PRKN: variants seen among roughly 807,000 people sequenced by gnomAD.
The protein encoded by PRKN is parkin RBR E3 ubiquitin protein ligase, also known as E3 ubiquitin-protein ligase parkin.
A neutral mutation model predicts 59.5 loss-of-function variants in PRKN; 56 were observed. That is an observed-to-expected ratio of 0.94 (90% CI 0.76 to 1.18). The LOEUF (loss-of-function observed/expected upper bound fraction) is 1.18. Ranked by LOEUF, PRKN falls within the 50% of genes most tolerant of loss-of-function variation. The pLI is 0.00. For synonymous variants in PRKN, 250 were observed against 222.1 expected (o/e 1.13, Z -1.12); for missense variants, 657 against 596.4 (o/e 1.10, Z -1.06).
chr6:162,549,550 C>T (rs7759213), intron 1 of PRKN, among the ~76,000 whole-genome samples: 26 of 151,948 alleles, frequency 1.7e-4, no homozygotes, highest in African/African-American at 6.0e-4. Context: ...TTTGCAAAGA[C>T]GGATAAAATC....
At chr6:161,748,479 C>T (rs565005829) in intron 7 of PRKN, among the ~76,000 whole-genome samples, 15 of 152,088 alleles carry the variant, frequency 9.9e-5, no homozygotes, top group South Asian at 8.3e-4. Context: ...AACTCCCACC[C>T]GCGCTTTGAT....
intron 2 of PRKN, among the ~76,000 whole-genome samples, chr6:162,367,815 G>A (rs1785534029): frequency 6.6e-6 from 1 of 152,092 alleles, no homozygotes; most frequent in East Asian, 1.9e-4. Flanking sequence ...AGATCACCTG[G>A]TAAACTGTAG....
At chr6:162,670,172 A>G (rs546797358) in intron 1 of PRKN, among the ~76,000 whole-genome samples, 2 of 152,370 alleles carry the variant, frequency 1.3e-5, no homozygotes, top group East Asian at 1.9e-4. Flanking sequence ...ACTGCTGTGA[A>G]AAGTGCTGAA....
chr6:161,970,937 T>C lies in PRKN; in HGVS notation c.734+2365A>G, dbSNP rs546014439. ...ACAATGATCACCAAACTGCACGGAG[T>C]GTCCGTGCAGGCGCTCATAATGTCC... On this transcript the variant is annotated intron_variant, in intron 6 of 11. Transcript: ENST00000366898. Among the ~76,000 whole-genome samples, 3 of 152,086 alleles carry C rather than the reference T, an allele frequency of 2.0e-5. No homozygotes were observed. In the East Asian group the frequency reaches 5.8e-4, roughly 29 times the overall value.
At chr6:161,826,268 A>G (rs183111231) in intron 6 of PRKN, among the ~76,000 whole-genome samples, 4 of 152,378 alleles carry the variant, frequency 2.6e-5, no homozygotes, top group South Asian at 2.1e-4. Context: ...TAGAAAAATC[A>G]TATTTAAGAC....
intron 6 of PRKN, among the ~76,000 whole-genome samples, chr6:161,868,131 G>T (rs977429223): frequency 6.6e-6 from 1 of 151,946 alleles, no homozygotes; most frequent in Non-Finnish European, 1.5e-5. Context: ...ATGTTTCTAA[G>T]ATCATTTTCA....
At chr6:162,314,679 A>G (rs1782670777) in intron 2 of PRKN, among the ~76,000 whole-genome samples, 1 of 152,144 alleles carries the variant, frequency 6.6e-6, no homozygotes, top group South Asian at 2.1e-4. Context: ...TCCAGAACTG[A>G]CACTGAATTT....
chr6:161,662,570 G>A (rs1784586611), intron 7 of PRKN, among the ~76,000 whole-genome samples: 1 of 152,166 alleles, frequency 6.6e-6, no homozygotes, highest in Admixed American at 6.5e-5. Flanking sequence ...GGCAGACAGT[G>A]GCACGTGGCA....
In PRKN at chr6:161,349,681, A is replaced by G; in HGVS notation, c.*418T>C. 6.0e-6 allele frequency: 2 copies of G among 335,148 alleles called. No homozygotes were observed. Among genetic ancestry groups the G allele is most frequent in the Non-Finnish European group, 1.1e-5 (2 of 179,050 alleles). The allele number at this position is 335,148 out of a possible 1,614,324, so 20.8% of individuals were successfully genotyped here. A position where few individuals can be genotyped will look rare whatever the true frequency, so the allele number is the denominator to read the frequency against. On this transcript the variant is annotated 3_prime_UTR_variant, in exon 12 of 12. Coordinates refer to ENST00000366898, the MANE Select transcript of PRKN (RefSeq NM_004562.3). The surrounding 1 kb of genome is among the most constrained non-coding windows in gnomAD (Gnocchi z 5.5). ...GTTTACTGAAGGTAAAAGGCAGGAT[A>G]TTAAATGTGAGAACTCTCTCTCCAG...
chr6:161,488,173 G>A lies in PRKN; in HGVS notation c.1083+60681C>T, dbSNP rs1424204165. ...TGTTTAGAGGGCTAAATGAATGGAG[G>A]CAGCCATGCAAAAAGCTGAAGGAAG... is the stretch of plus-strand genomic sequence containing the variant. On this transcript the variant is annotated intron_variant, in intron 9 of 11. Transcript: ENST00000366898. The surrounding 1 kb of genome is among the most constrained non-coding windows in gnomAD (Gnocchi z 4.5). Among the ~76,000 whole-genome samples the A allele has an allele frequency of 1.3e-5, 2 of 152,160 alleles. No individual in the cohort carries two copies. The highest frequency in any genetic ancestry group is 2.9e-5 in the Non-Finnish European group (2 of 68,032).
At chr6:162,447,436 A>ATT in intron 1 of PRKN, among the ~76,000 whole-genome samples, 1 of 152,200 alleles carries the variant, frequency 6.6e-6, no homozygotes, top group Non-Finnish European at 1.5e-5. Context: ...GATGACGTAT[A>ATT]ATATAGTATC....
At chr6:162,417,444 TG>T (rs1328055196) in intron 2 of PRKN, among the ~76,000 whole-genome samples, 3 of 152,184 alleles carry the variant, frequency 2.0e-5, no homozygotes, top group East Asian at 1.9e-4. Context: ...CTGGCAGCTG[TG>T]GGGGCAGAAG....
Position 162,437,091 on chromosome 6 carries a change from C to CAAA in PRKN, c.171+6216_171+6218dup, listed in dbSNP as rs67044548. Among the ~76,000 whole-genome samples, 87 of 149,028 alleles carry CAAA rather than the reference C, an allele frequency of 5.8e-4. 3 individuals are homozygous for CAAA. The South Asian group carries it at 0.016, about 27-fold the overall frequency. On this transcript the variant is annotated intron_variant, in intron 2 of 11. Coordinates refer to ENST00000366898, the MANE Select transcript of PRKN (RefSeq NM_004562.3). ...TGGGCGACAGAGCGAGACTCTGTCT[C>CAAA]AAAAAAAATAAATAAATAAATAAAA...
intron 6 of PRKN, among the ~76,000 whole-genome samples, chr6:161,891,608 T>A (rs1795346448): frequency 6.6e-6 from 1 of 152,198 alleles, no homozygotes; most frequent in African/African-American, 2.4e-5. Context: ...CTAACATCTC[T>A]ACACCCTAAA....
chr6:161,952,797 A>C (rs1289131973), intron 6 of PRKN, among the ~76,000 whole-genome samples: 1 of 152,224 alleles, frequency 6.6e-6, no homozygotes, highest in Non-Finnish European at 1.5e-5. Context: ...ATGATTTGCT[A>C]AATGGTATTA....
At chr6:162,196,260 C>T (rs1299563882) in intron 4 of PRKN, among the ~76,000 whole-genome samples, 1 of 152,118 alleles carries the variant, frequency 6.6e-6, no homozygotes, top group African/African-American at 2.4e-5. Context: ...GTCAAATTAA[C>T]CTTACCAGCC....
At chr6:162,467,373 C>T (rs565473426) in intron 1 of PRKN, among the ~76,000 whole-genome samples, 9 of 152,154 alleles carry the variant, frequency 5.9e-5, no homozygotes, top group Admixed American at 2.6e-4. Context: ...ACTTATCATG[C>T]GCTCTCCTAA....
rs978928575 is a variant in PRKN, at chr6:161,359,373, A to C, written c.1285+715T>G. Among the ~76,000 whole-genome samples the C allele has an allele frequency of 6.6e-6, 1 of 152,184 alleles. No individual in the cohort carries two copies. The highest frequency in any genetic ancestry group is 1.5e-5 in the Non-Finnish European group (1 of 68,034). ...TGGGATGGCCGGGCTTCCCTCCCGC[A>C]AGTCAGCTCTGGGCAACCTGCCAGC... On this transcript the variant is annotated intron_variant, in intron 11 of 11. Coordinates refer to ENST00000366898, the MANE Select transcript of PRKN (RefSeq NM_004562.3). This position sits in a 1 kb window ranked among gnomAD's most constrained non-coding sequence, Gnocchi z 5.4.
rs368190954 is a variant in PRKN, at chr6:161,946,386, T to TCACACACA, written c.734+26908_734+26915dup. Among the ~76,000 whole-genome samples the TCACACACA allele has an allele frequency of 6.8e-3, 770 of 113,254 alleles. 2 individuals are homozygous for TCACACACA. Among genetic ancestry groups the TCACACACA allele is most frequent in the Middle Eastern group, 0.014 (3 of 212 alleles). 74.3% of individuals were successfully genotyped at this position (113,254 alleles called of 152,430 possible). A position where few individuals can be genotyped will look rare whatever the true frequency, so the allele number is the denominator to read the frequency against. On this transcript the variant is annotated intron_variant, in intron 6 of 11. Transcript: ENST00000366898. ...GGTTCTTTACCAAATTGCATGCACA[T>TCACACACA]CACACACACACACACACACACACAC...
Sources: gnomAD v4.1 joint callset for allele counts (sites outside exome capture counted in the v4.1 genomes callset) on GRCh38, gnomAD v4.1.1 for gene constraint, Gnocchi (gnomAD v3.1) non-coding constraint, MANE v1.5 for transcripts, NCBI Gene and HGNC (gene_info 2026-07-23, HGNC 2026-07-21) for gene names.